IL1RAPL2: variants seen among roughly 807,000 people sequenced by gnomAD.
IL1RAPL2 encodes the protein X-linked interleukin-1 receptor accessory protein-like 2.
In IL1RAPL2, 3 loss-of-function variants were observed where a neutral mutation model predicts 44.1. The ratio of observed to expected loss-of-function variants is 0.07; its 90% CI spans 0.03 to 0.18. The LOEUF (loss-of-function observed/expected upper bound fraction) is 0.18. Ranked by LOEUF, IL1RAPL2 falls within the 10% of genes least tolerant of loss-of-function variation. The probability of loss-of-function intolerance (pLI) is 1.00; values close to 1 mark genes in which losing one functional copy is unlikely to be tolerated. For missense variants in IL1RAPL2, 391 were observed against 496.4 expected, an observed-to-expected ratio of 0.79 and a Z score of 2.02; for synonymous variants, 181 against 178.8, an observed-to-expected ratio of 1.01 and a Z score of -0.10.
At chrX:104,940,575 G>C (rs1328148227) in intron 2 of IL1RAPL2, among the ~76,000 whole-genome samples, 1 of 110,692 alleles carries the variant, frequency 9.0e-6, no homozygotes, top group Non-Finnish European at 1.9e-5. Context: ...TTCTTATTTG[G>C]GGGTTTATTG....
At chrX:104,924,752 A>T (rs1924732608) in intron 2 of IL1RAPL2, among the ~76,000 whole-genome samples, 1 of 111,331 alleles carries the variant, frequency 9.0e-6, no homozygotes, top group African/African-American at 3.3e-5. Flanking sequence ...AGGTAGAAAG[A>T]TCTCAAATTA....
chrX:105,022,796 G>T (rs1262181031), intron 2 of IL1RAPL2, among the ~76,000 whole-genome samples: 1 of 110,866 alleles, frequency 9.0e-6, no homozygotes, highest in Admixed American at 9.7e-5. Flanking sequence ...CTGTCTCATG[G>T]AGGAAATGGT....
intron 2 of IL1RAPL2, among the ~76,000 whole-genome samples, chrX:105,056,205 T>C (rs757188222): frequency 8.9e-6 from 1 of 111,799 alleles, no homozygotes; most frequent in Admixed American, 9.5e-5. Flanking sequence ...CTCCATATAC[T>C]GGAAGTCTTC....
At chrX:104,743,417 C>T (rs1385405899) in intron 2 of IL1RAPL2, among the ~76,000 whole-genome samples, 1 of 108,725 alleles carries the variant, frequency 9.2e-6, no homozygotes, top group Non-Finnish European at 1.9e-5. Context: ...CAGAATTTAC[C>T]TCCCTGTGAT....
intron 2 of IL1RAPL2, among the ~76,000 whole-genome samples, chrX:104,928,854 G>A (rs753920771): frequency 8.1e-4 from 90 of 111,144 alleles, no homozygotes; most frequent in African/African-American, 2.8e-3. Flanking sequence ...TGAGGGCAGC[G>A]TGTTGGCAAT....
intron 2 of IL1RAPL2, among the ~76,000 whole-genome samples, chrX:105,177,750 A>G (rs913092079): frequency 3.6e-5 from 4 of 112,282 alleles, no homozygotes; most frequent in South Asian, 3.7e-4. Flanking sequence ...ACAATTTTAT[A>G]TAAGAAATGT....
chrX:105,355,653 A>G (rs773412964), intron 5 of IL1RAPL2, among the ~76,000 whole-genome samples: 6 of 111,609 alleles, frequency 5.4e-5, no homozygotes, highest in African/African-American at 1.9e-4. Flanking sequence ...TACTCAATAA[A>G]TGTAATCTGT....
chrX:104,711,774 G>C (rs1205058593), intron 2 of IL1RAPL2, among the ~76,000 whole-genome samples: 1 of 111,060 alleles, frequency 9.0e-6, no homozygotes, highest in Non-Finnish European at 1.9e-5. Flanking sequence ...CACTGGAAGA[G>C]AGAGAGAGTA....
At chrX:104,948,972 G>T (rs1244184827) in intron 2 of IL1RAPL2, among the ~76,000 whole-genome samples, 1 of 109,056 alleles carries the variant, frequency 9.2e-6, no homozygotes, top group Non-Finnish European at 1.9e-5. Context: ...TCTATTGATT[G>T]GAATAGTTTC....
intron 5 of IL1RAPL2, among the ~76,000 whole-genome samples, chrX:105,312,724 T>G (rs1490063829): frequency 9.0e-6 from 1 of 111,605 alleles, no homozygotes; most frequent in East Asian, 2.8e-4. Context: ...ATATAGTTTT[T>G]TTTTGTGGTG....
At chrX:105,398,358 T>C (rs952761537) in intron 5 of IL1RAPL2, among the ~76,000 whole-genome samples, 1 of 110,774 alleles carries the variant, frequency 9.0e-6, no homozygotes, top group Non-Finnish European at 1.9e-5. Context: ...TGTTTTGACT[T>C]TGTTGACCTA....
At chrX:105,508,256 G>C (rs1165684777) in intron 6 of IL1RAPL2, among the ~76,000 whole-genome samples, 1 of 110,971 alleles carries the variant, frequency 9.0e-6, no homozygotes, top group African/African-American at 3.3e-5. Context: ...CCATGGGTTA[G>C]ATTCCATTCA....
chrX:105,596,755 C>T (rs1213545419), intron 6 of IL1RAPL2, among the ~76,000 whole-genome samples: 1 of 111,677 alleles, frequency 9.0e-6, no homozygotes, highest in Non-Finnish European at 1.9e-5. Flanking sequence ...ATGATCCACC[C>T]ATTGTTGAAG....
At chrX:105,042,434 T>C (rs1710779639) in intron 2 of IL1RAPL2, among the ~76,000 whole-genome samples, 1 of 109,050 alleles carries the variant, frequency 9.2e-6, no homozygotes, top group Admixed American at 9.9e-5. Flanking sequence ...AACAGACACT[T>C]CTCAAAAGAA....
chrX:105,641,364 G>A (rs2037568579), intron 6 of IL1RAPL2, among the ~76,000 whole-genome samples: 1 of 111,462 alleles, frequency 9.0e-6, no homozygotes, highest in South Asian at 3.8e-4. Flanking sequence ...AGAATAAGAT[G>A]TAGCCCTTGT....
At chrX:104,631,398 C>A (rs751733123) in intron 1 of IL1RAPL2, among the ~76,000 whole-genome samples, 2 of 111,770 alleles carry the variant, frequency 1.8e-5, no homozygotes, top group South Asian at 7.6e-4. Flanking sequence ...GTTCTAGATA[C>A]CTGAGGAATC....
intron 2 of IL1RAPL2, among the ~76,000 whole-genome samples, chrX:105,143,646 G>A (rs1409740455): frequency 3.6e-5 from 4 of 112,226 alleles, no homozygotes; most frequent in South Asian, 3.7e-4. Context: ...ACATGCACAC[G>A]TATGTTTATT....
At chrX:104,997,575 A>C (rs939085036) in intron 2 of IL1RAPL2, among the ~76,000 whole-genome samples, 2 of 111,805 alleles carry the variant, frequency 1.8e-5, no homozygotes, top group Non-Finnish European at 3.8e-5. Context: ...GGAATTAATT[A>C]AGAGACTTTT....
intron 4 of IL1RAPL2, among the ~76,000 whole-genome samples, chrX:105,249,139 T>C (rs2147645972): frequency 9.0e-6 from 1 of 111,547 alleles, no homozygotes; most frequent in East Asian, 2.8e-4. Flanking sequence ...GTGGTACATA[T>C]ACACAATGGA....
Sources: allele counts gnomAD v4.1 joint callset (sites outside exome capture counted in the v4.1 genomes callset), GRCh38; gene constraint gnomAD v4.1.1; transcripts MANE v1.5; gene names NCBI Gene and HGNC (gene_info 2026-07-23, HGNC 2026-07-21).